ACOX2: variants seen among roughly 807,000 people sequenced by gnomAD.
ACOX2 encodes peroxisomal acyl-coenzyme A oxidase 2.
In ACOX2, 59 loss-of-function variants were observed where a neutral mutation model predicts 77.5. That is an observed-to-expected ratio of 0.76 (90% confidence interval 0.62 to 0.95). ACOX2 has a LOEUF of 0.95. Ranked by LOEUF, ACOX2 falls within the 40% of genes least tolerant of loss-of-function variation. ACOX2 has a pLI of 0.00. For synonymous variants in ACOX2, 317 were observed against 340.1 expected (o/e 0.93, Z 0.75); for missense variants, 837 against 880.4 (o/e 0.95, Z 0.62).
chr3:58,518,155 T>C (rs556613597), intron 12 of ACOX2, among the ~76,000 whole-genome samples: 17 of 150,056 alleles, frequency 1.1e-4, no homozygotes, highest in Non-Finnish European at 2.1e-4. Flanking sequence ...CAGTGGTGTG[T>C]GTGTGTGCGT....
In ACOX2 at chr3:58,515,741, A is replaced by C. The variant is rs1268945676; in HGVS notation, c.1850+1465T>G. Among the ~76,000 whole-genome samples the C allele has an allele frequency of 6.6e-6, 1 of 152,104 alleles. No homozygotes were observed. The highest frequency in any genetic ancestry group is 6.6e-5 in the Admixed American group (1 of 15,262). On this transcript the variant is annotated intron_variant, in intron 13 of 14. Coordinates refer to ENST00000302819, the MANE Select transcript of ACOX2 (RefSeq NM_003500.4). The surrounding 1 kb of genome is among the most constrained non-coding windows in gnomAD (Gnocchi z 4.0). Reference sequence around the variant, plus strand: ...ATTCTCAAATTAGTCCATTTTTTTTAATCTTATGGACAATGGTAAATAATT... The same window carrying C: ...ATTCTCAAATTAGTCCATTTTTTTTCATCTTATGGACAATGGTAAATAATT...
rs1000979043 is a variant in ACOX2, at chr3:58,533,698, C to T, written c.476-146G>A. The T allele has an allele frequency of 2.7e-6, 2 of 742,358 alleles. No homozygotes were observed. The highest frequency in any genetic ancestry group is 4.5e-6 in the Non-Finnish European group (2 of 446,232). The allele number at this position is 742,358 out of a possible 1,614,324, so 46.0% of individuals were successfully genotyped here. On this transcript the variant is annotated intron_variant, in intron 4 of 14. Transcript: ENST00000302819. This position sits in a 1 kb window ranked among gnomAD's most constrained non-coding sequence, Gnocchi z 5.6. ...AGCTGTACTTGCAGGCAGTTCTCCC[C>T]TTTCATCTGTGGGCTGTGTGTGGGA...
intron 8 of ACOX2, 49 bp from the exon 9 acceptor site, chr3:58,529,005 C>G (rs1282210947): frequency 6.6e-7 from 1 of 1,515,070 alleles, no homozygotes; most frequent in African/African-American, 1.4e-5. Flanking sequence ...GTTGTGTCCA[C>G]CTTCCCCTAT....
intron 8 of ACOX2, 119 bp downstream of exon 8, chr3:58,530,347 G>T (rs764085528): frequency 7.2e-7 from 1 of 1,385,482 alleles, no homozygotes; most frequent in African/African-American, 1.4e-5. Flanking sequence ...TGTGTATGTG[G>T]TGGGGGGCAT....
In ACOX2 at chr3:58,522,697, G is replaced by T; in HGVS notation, c.1527-96C>A. On this transcript the variant is annotated intron_variant, in intron 11 of 14. Transcript: ENST00000302819. This position sits in a 1 kb window ranked among gnomAD's most constrained non-coding sequence, Gnocchi z 4.3. ...TCCCTCAGAAGTAGAAATAATGCCT[G>T]TTTATTGACCACTTATGTGCCATAA... 9.6e-7 allele frequency: 1 copy of T among 1,040,956 alleles called. No individual in the cohort carries two copies. Among genetic ancestry groups the T allele is most frequent in the Non-Finnish European group, 1.5e-6 (1 of 668,344 alleles). 64.5% of individuals were successfully genotyped at this position (1,040,956 alleles called of 1,614,324 possible).
Position 58,524,698 on chromosome 3 carries a change from G to A in ACOX2, c.1347-93C>T. On this transcript the variant is annotated intron_variant, in intron 10 of 14. Coordinates refer to ENST00000302819, the MANE Select transcript of ACOX2 (RefSeq NM_003500.4). This position sits in a 1 kb window ranked among gnomAD's most constrained non-coding sequence, Gnocchi z 5.5. Reference sequence around the variant, plus strand: ...CCCAGAGACAGGCAAGCTCATGCTAGGTTCCAGCCTTCCCGTGGGAGAGCC... The same window carrying A: ...CCCAGAGACAGGCAAGCTCATGCTAAGTTCCAGCCTTCCCGTGGGAGAGCC... 7.3e-7 allele frequency: 1 copy of A among 1,368,196 alleles called. No homozygotes were observed. The highest frequency in any genetic ancestry group is 1.0e-6 in the Non-Finnish European group (1 of 1,004,742). The allele number at this position is 1,368,196 out of a possible 1,614,324, so 84.8% of individuals were successfully genotyped here.
rs149158239 is a variant in ACOX2 at position 58,511,371 on chromosome 3, C to T, written c.1851-2346G>A. ...GGTCCTGGCTGGATGCTACTCTGGACGCAAAGCCATTATCATGAAGGACAT... is the reference window on the plus strand; with the variant it reads ...GGTCCTGGCTGGATGCTACTCTGGATGCAAAGCCATTATCATGAAGGACAT... On this transcript the variant is annotated intron_variant, in intron 13 of 14. Transcript: ENST00000302819. 2,666 of 334,376 alleles carry T rather than the reference C, an allele frequency of 8.0e-3. 17 individuals are homozygous for T. The highest frequency in any genetic ancestry group is 0.012 in the Non-Finnish European group (2,019 of 169,248). The allele number at this position is 334,376 out of a possible 1,614,324, so 20.7% of individuals were successfully genotyped here. A position where few individuals can be genotyped will look rare whatever the true frequency, so the allele number is the denominator to read the frequency against.
chr3:58,525,721 C>T lies in ACOX2; in HGVS notation c.1346+745G>A, dbSNP rs562984548. Among the ~76,000 whole-genome samples, 23 of 152,206 alleles carry T rather than the reference C, an allele frequency of 1.5e-4. No individual in the cohort carries two copies. Among genetic ancestry groups the T allele is most frequent in the African/African-American group, 4.3e-4 (18 of 41,536 alleles). ...TCCTGGACAGAAAGAAGTGTGTGGCCGGCAGAAGTGAGCAGAGGTGGCTGG... is the reference window on the plus strand; with the variant it reads ...TCCTGGACAGAAAGAAGTGTGTGGCTGGCAGAAGTGAGCAGAGGTGGCTGG... On this transcript the variant is annotated intron_variant, in intron 10 of 14. Transcript: ENST00000302819. The surrounding 1 kb of genome is among the most constrained non-coding windows in gnomAD (Gnocchi z 5.0).
chr3:58,536,312 C>T (rs2063480939), intron 1 of ACOX2, among the ~76,000 whole-genome samples: 1 of 152,170 alleles, frequency 6.6e-6, no homozygotes, highest in Non-Finnish European at 1.5e-5. Context: ...TAGCTTGCAG[C>T]AGGTATGTTG....
intron 8 of ACOX2, 139 bp from the exon 9 acceptor site, chr3:58,529,095 T>A: frequency 1.2e-6 from 1 of 808,592 alleles, no homozygotes; most frequent in Non-Finnish European, 1.8e-6. Flanking sequence ...AGGCCATTGA[T>A]AATCCTTTAA....
rs1197819254 is a variant in ACOX2, at chr3:58,528,287, G to C, written c.1155+507C>G. 1.3e-5 allele frequency among the ~76,000 whole-genome samples: 2 copies of C among 152,242 alleles called. No individual in the cohort carries two copies. The highest frequency in any genetic ancestry group is 2.9e-5 in the Non-Finnish European group (2 of 68,048). On this transcript the variant is annotated intron_variant, in intron 9 of 14. Transcript: ENST00000302819. This position sits in a 1 kb window ranked among gnomAD's most constrained non-coding sequence, Gnocchi z 5.6. ...GTCCACAATGCTTTACCTGAGACCTGTGAGCCAGATGTGTTTAGGAATCAG... is the reference window on the plus strand; with the variant it reads ...GTCCACAATGCTTTACCTGAGACCTCTGAGCCAGATGTGTTTAGGAATCAG...
At chr3:58,527,405 G>A (rs139370761) in intron 9 of ACOX2, among the ~76,000 whole-genome samples, 2,964 of 152,084 alleles carry the variant, frequency 0.019, 102 homozygotes, top group African/African-American at 0.068. Context: ...GCGTGGTGGC[G>A]TGCACTTGTA....
rs1213580206 is a variant in ACOX2 at position 58,523,968 on chromosome 3, T to C, written c.1526+458A>G. Among the ~76,000 whole-genome samples the C allele has an allele frequency of 6.6e-6, 1 of 152,234 alleles. No homozygotes were observed. The highest frequency in any genetic ancestry group is 1.5e-5 in the Non-Finnish European group (1 of 68,034). ...GGTTTTGTCCATGTTCCCTGGAGCC[T>C]ACTAGACCCTGGAAATAAATGAATT... On this transcript the variant is annotated intron_variant, in intron 11 of 14. Coordinates refer to ENST00000302819, the MANE Select transcript of ACOX2 (RefSeq NM_003500.4). The surrounding 1 kb of genome is among the most constrained non-coding windows in gnomAD (Gnocchi z 5.3).
chr3:58,532,454 C>G (rs560632110), intron 5 of ACOX2, among the ~76,000 whole-genome samples: 1 of 151,938 alleles, frequency 6.6e-6, no homozygotes, highest in Admixed American at 6.6e-5. Context: ...GGCCTGAGCT[C>G]GGCTCATTGC....
Position 58,535,391 on chromosome 3 carries a change from A to G in ACOX2, c.-91-194T>C, listed in dbSNP as rs1349300028. On this transcript the variant is annotated intron_variant, in intron 1 of 14. Coordinates refer to ENST00000302819, the MANE Select transcript of ACOX2 (RefSeq NM_003500.4). This position sits in a 1 kb window ranked among gnomAD's most constrained non-coding sequence, Gnocchi z 4.8. ...GGTACATGTTTGTTCAATACTTGTT[A>G]GCCAAAATTGGACAGGGCCTGACCC... Among the ~76,000 whole-genome samples the G allele has an allele frequency of 6.6e-6, 1 of 152,210 alleles. No homozygotes were observed. Among genetic ancestry groups the G allele is most frequent in the East Asian group, 1.9e-4 (1 of 5,190 alleles).
In ACOX2 at chr3:58,524,689, C is replaced by T; in HGVS notation, c.1347-84G>A. Reference sequence around the variant, plus strand: ...CCCCTCACTCCCAGAGACAGGCAAGCTCATGCTAGGTTCCAGCCTTCCCGT... The same window carrying T: ...CCCCTCACTCCCAGAGACAGGCAAGTTCATGCTAGGTTCCAGCCTTCCCGT... On this transcript the variant is annotated intron_variant, in intron 10 of 14. Coordinates refer to ENST00000302819, the MANE Select transcript of ACOX2 (RefSeq NM_003500.4). This position sits in a 1 kb window ranked among gnomAD's most constrained non-coding sequence, Gnocchi z 5.5. 1 of 1,427,936 alleles carries T rather than the reference C, an allele frequency of 7.0e-7. No individual in the cohort carries two copies. The highest frequency in any genetic ancestry group is 1.4e-5 in the African/African-American group (1 of 71,490). 88.5% of individuals were successfully genotyped at this position (1,427,936 alleles called of 1,614,324 possible).
Position 58,512,840 on chromosome 3 carries a change from C to A in ACOX2, c.1851-3815G>T, listed in dbSNP as rs1576988325. Among the ~76,000 whole-genome samples the A allele has an allele frequency of 1.3e-5, 2 of 152,216 alleles. No homozygotes were observed. The highest frequency in any genetic ancestry group is 4.1e-4 in the South Asian group (2 of 4,826). On this transcript the variant is annotated intron_variant, in intron 13 of 14. Transcript: ENST00000302819. This position sits in a 1 kb window ranked among gnomAD's most constrained non-coding sequence, Gnocchi z 4.8. ...TTGGCTGCAGTATTCAGAACAGCAA[C>A]ATGCTTTGCAGGTGTGACTGTACGA... is the stretch of plus-strand genomic sequence containing the variant.
intron 13 of ACOX2, among the ~76,000 whole-genome samples, chr3:58,516,194 TA>T (rs575904936): frequency 1.5e-3 from 235 of 152,260 alleles, no homozygotes; most frequent in African/African-American, 5.0e-3. Flanking sequence ...ATTACAGAGT[TA>T]AAAAAAATTT....
Position 58,530,568 on chromosome 3 carries a change from C to T in ACOX2, c.890G>A (p.Arg297Gln), listed in dbSNP as rs146010901. The T allele has an allele frequency of 1.2e-5, 20 of 1,614,248 alleles. No homozygotes were observed. The highest frequency in any genetic ancestry group is 4.0e-5 in the African/African-American group (3 of 75,072). The change falls in exon 8 of 15, where the codon CGG becomes CAG. Residue 297 changes from arginine (R) to glutamine (Q), a missense_variant. By Grantham distance (43) the Arg-to-Gln change is conservative. Coordinates refer to ENST00000302819, the MANE Select transcript of ACOX2 (RefSeq NM_003500.4). ...QSNYLPMVVV[R>Q]VELLSGEILP... ...GATCTCCCCTGACAGCAGCTCCACCCGCACCACCACCATGGGAAGGTAGTT... is the reference window on the plus strand; with the variant it reads ...GATCTCCCCTGACAGCAGCTCCACCTGCACCACCACCATGGGAAGGTAGTT...
Sources: gnomAD v4.1 joint callset for allele counts (sites outside exome capture counted in the v4.1 genomes callset) on GRCh38, gnomAD v4.1.1 for gene constraint, Gnocchi (gnomAD v3.1) non-coding constraint, MANE v1.5 for transcripts, NCBI Gene and HGNC (gene_info 2026-07-23, HGNC 2026-07-21) for gene names.